The following FBXL7 variants were observed in gnomAD, a reference collection of about 807,000 sequenced individuals.
The protein encoded by FBXL7 is F-box/LRR-repeat protein 7.
A neutral mutation model predicts 38.3 loss-of-function variants in FBXL7; 12 were observed. The ratio of observed to expected loss-of-function variants is 0.31; its 90% CI spans 0.20 to 0.51. The LOEUF (loss-of-function observed/expected upper bound fraction) is 0.51, where lower values mean the gene tolerates loss of function less well. FBXL7 is among the 20% of genes least tolerant of loss of function. The pLI is 0.98. For missense variants in FBXL7, 567 were observed against 676.4 expected (o/e 0.84, Z 1.79); for synonymous variants, 297 against 300.9 (o/e 0.99, Z 0.13).
chr5:15,772,997 C>T lies in FBXL7; in HGVS notation c.128-154893C>T, dbSNP rs1026589860. ...TCAGCTTCAACCTCCTGGGCTCAAG[C>T]GATCCTCCCTCCTGAGCCTCCCGAG... On this transcript the variant is annotated intron_variant, in intron 2 of 3. Transcript: ENST00000504595. Among the ~76,000 whole-genome samples the T allele has an allele frequency of 2.6e-5, 4 of 151,940 alleles. No individual in the cohort carries two copies. The East Asian group carries it at 5.8e-4, about 22-fold the overall frequency.
chr5:15,883,544 C>T (rs562992008), intron 2 of FBXL7, among the ~76,000 whole-genome samples: 17 of 152,288 alleles, frequency 1.1e-4, no homozygotes, highest in African/African-American at 4.1e-4. Context: ...CACGAATTCA[C>T]TTACCATTCT....
At chr5:15,671,291 A>C (rs1267539531) in intron 2 of FBXL7, among the ~76,000 whole-genome samples, 1 of 152,194 alleles carries the variant, frequency 6.6e-6, no homozygotes, top group Non-Finnish European at 1.5e-5. Flanking sequence ...TCAGCTAACT[A>C]ACTCTTGCCC....
intron 2 of FBXL7, among the ~76,000 whole-genome samples, chr5:15,820,656 A>G (rs1738145123): frequency 6.6e-6 from 1 of 151,902 alleles, no homozygotes; most frequent in African/African-American, 2.4e-5. Context: ...TGAGGACTTG[A>G]CCACACCCCA....
Position 15,615,969 on chromosome 5 carries a change from C to T in FBXL7, c.38-14C>T. 2 of 1,601,538 alleles carry T rather than the reference C, an allele frequency of 1.2e-6. No individual in the cohort carries two copies. Among genetic ancestry groups the T allele is most frequent in the South Asian group, 1.1e-5 (1 of 90,468 alleles). ...TTACAAATCTCAAAAGCTGCTCATT[C>T]CTGTTTCTTCCAGGCAAAGGCAGCT... On this transcript the variant is annotated splice_polypyrimidine_tract_variant and intron_variant, in intron 1 of 3. Coordinates refer to ENST00000504595, the MANE Select transcript of FBXL7 (RefSeq NM_012304.5).
intron 1 of FBXL7, among the ~76,000 whole-genome samples, chr5:15,556,229 G>C (rs897673340): frequency 9.9e-5 from 15 of 152,156 alleles, no homozygotes; most frequent in Admixed American, 6.5e-4. Flanking sequence ...GCCCCGGAAA[G>C]CTGGCCGTGT....
At chr5:15,888,079 A>C (rs2126364748) in intron 2 of FBXL7, among the ~76,000 whole-genome samples, 1 of 152,316 alleles carries the variant, frequency 6.6e-6, no homozygotes, top group South Asian at 2.1e-4. Context: ...AAAGGAGATA[A>C]GTGCTTTTAT....
Position 15,702,140 on chromosome 5 carries a change from G to A in FBXL7, c.127+86068G>A, listed in dbSNP as rs1579390281. Among the ~76,000 whole-genome samples, 4 of 151,890 alleles carry A rather than the reference G, an allele frequency of 2.6e-5. No homozygotes were observed. The South Asian group carries it at 8.3e-4, about 32-fold the overall frequency. ...GTAATCCCAGCTACTTGGGAGACTGGGGCAGGAAAATCGCTTGAACCCAGG... is the reference window on the plus strand; with the variant it reads ...GTAATCCCAGCTACTTGGGAGACTGAGGCAGGAAAATCGCTTGAACCCAGG... On this transcript the variant is annotated intron_variant, in intron 2 of 3. Coordinates refer to ENST00000504595, the MANE Select transcript of FBXL7 (RefSeq NM_012304.5).
chr5:15,529,598 C>A lies in FBXL7; in HGVS notation c.37+28885C>A, dbSNP rs892851919. Among the ~76,000 whole-genome samples the A allele has an allele frequency of 2.0e-5, 3 of 152,076 alleles. No homozygotes were observed. In the East Asian group the frequency reaches 5.8e-4, roughly 29 times the overall value. On this transcript the variant is annotated intron_variant, in intron 1 of 3. Coordinates refer to ENST00000504595, the MANE Select transcript of FBXL7 (RefSeq NM_012304.5). ...AGAGACGGGGTTTCACCGTGTTAGC[C>A]AGGATGGTCGCGATCTCCTGACCTC...
chr5:15,776,466 G>A (rs1736860333), intron 2 of FBXL7, among the ~76,000 whole-genome samples: 1 of 152,088 alleles, frequency 6.6e-6, no homozygotes, highest in Non-Finnish European at 1.5e-5. Flanking sequence ...ATCTGGGTTG[G>A]CAACCCACAA....
chr5:15,780,400 G>A (rs1272933602), intron 2 of FBXL7, among the ~76,000 whole-genome samples: 1 of 152,084 alleles, frequency 6.6e-6, no homozygotes, highest in Non-Finnish European at 1.5e-5. Context: ...ACTCCACCAA[G>A]TCAGAATATG....
At chr5:15,821,921 T>C (rs1019083462) in intron 2 of FBXL7, among the ~76,000 whole-genome samples, 1 of 152,104 alleles carries the variant, frequency 6.6e-6, no homozygotes, top group Non-Finnish European at 1.5e-5. Flanking sequence ...ACTGCCAAGC[T>C]CCCAGTTAAC....
chr5:15,764,987 T>A (rs1736548199), intron 2 of FBXL7, among the ~76,000 whole-genome samples: 1 of 152,176 alleles, frequency 6.6e-6, no homozygotes, highest in Non-Finnish European at 1.5e-5. Context: ...ATTGGTGAAA[T>A]TCAACATATA....
intron 2 of FBXL7, among the ~76,000 whole-genome samples, chr5:15,638,601 C>T (rs1377828727): frequency 6.6e-6 from 1 of 151,740 alleles, no homozygotes; most frequent in East Asian, 1.9e-4. Flanking sequence ...GGACAAGTTT[C>T]TTGCACATCT....
At chr5:15,672,557 CTTT>C (rs35987843) in intron 2 of FBXL7, among the ~76,000 whole-genome samples, 13,196 of 135,020 alleles carry the variant, frequency 0.098, 618 homozygotes, top group South Asian at 0.14. Flanking sequence ...TAATCTTTTT[CTTT>C]TTTTTTTTTT....
At chr5:15,678,365 A>G (rs1742728240) in intron 2 of FBXL7, among the ~76,000 whole-genome samples, 1 of 152,180 alleles carries the variant, frequency 6.6e-6, no homozygotes, top group Non-Finnish European at 1.5e-5. Context: ...AGAAAACAGA[A>G]GTGCTGTATA....
At chr5:15,847,837 T>C (rs757391520) in intron 2 of FBXL7, among the ~76,000 whole-genome samples, 2 of 152,080 alleles carry the variant, frequency 1.3e-5, no homozygotes, top group Non-Finnish European at 2.9e-5. Flanking sequence ...TATGGGAGCC[T>C]CTTGGAGCAG....
intron 2 of FBXL7, among the ~76,000 whole-genome samples, chr5:15,823,293 A>C (rs999221930): frequency 6.6e-6 from 1 of 152,224 alleles, no homozygotes; most frequent in Non-Finnish European, 1.5e-5. Context: ...CAAATTCTTT[A>C]ATCATTCCCA....
At chr5:15,906,728 C>A (rs1741378471) in intron 2 of FBXL7, among the ~76,000 whole-genome samples, 1 of 91,498 alleles carries the variant, frequency 1.1e-5, no homozygotes, top group African/African-American at 4.4e-5. Flanking sequence ...CATGTGATCT[C>A]ATTGTTCAAT....
intron 2 of FBXL7, among the ~76,000 whole-genome samples, chr5:15,782,340 C>A (rs558110467): frequency 6.6e-6 from 1 of 152,118 alleles, no homozygotes; most frequent in African/African-American, 2.4e-5. Flanking sequence ...TGGGTATATA[C>A]CCAGTAATGA....
Sources: gnomAD v4.1 joint callset for allele counts (sites outside exome capture counted in the v4.1 genomes callset) on GRCh38, gnomAD v4.1.1 for gene constraint, MANE v1.5 for transcripts, NCBI Gene and HGNC (gene_info 2026-07-23, HGNC 2026-07-21) for gene names.